KCNIP4: variants seen among roughly 807,000 people sequenced by gnomAD.
KCNIP4 encodes the protein potassium voltage-gated channel interacting protein 4.
A neutral mutation model predicts 34.0 loss-of-function variants in KCNIP4; 12 were observed. The observed-to-expected ratio is 0.35, with a 90% confidence interval of 0.23 to 0.57. The LOEUF is 0.57. KCNIP4 is among the 20% of genes least tolerant of loss of function. The pLI is 0.83. For synonymous variants in KCNIP4, 124 were observed against 102.2 expected (o/e 1.21, Z -1.29); for missense variants, 238 against 311.7 (o/e 0.76, Z 1.78).
intron 1 of KCNIP4, among the ~76,000 whole-genome samples, chr4:20,996,373 A>G (rs1428008985): frequency 6.6e-6 from 1 of 152,196 alleles, no homozygotes; most frequent in Non-Finnish European, 1.5e-5. Flanking sequence ...ATAACATTCA[A>G]ACTTCTCGCT....
At chr4:21,887,607 C>A (rs546826313) in intron 1 of KCNIP4, among the ~76,000 whole-genome samples, 2 of 152,216 alleles carry the variant, frequency 1.3e-5, no homozygotes, top group South Asian at 2.1e-4. Flanking sequence ...GTTTCAGACA[C>A]AGAAACTTAC....
At chr4:21,329,885 A>G (rs62294094) in intron 1 of KCNIP4, among the ~76,000 whole-genome samples, 38,550 of 152,064 alleles carry the variant, frequency 0.25, 4,986 homozygotes, top group Middle Eastern at 0.33. Flanking sequence ...AAAAATGTCA[A>G]TTTTACATTT....
At chr4:21,598,006 G>A (rs903400459) in intron 1 of KCNIP4, among the ~76,000 whole-genome samples, 2 of 152,122 alleles carry the variant, frequency 1.3e-5, no homozygotes, top group African/African-American at 4.8e-5. Context: ...ATTCAGTTGG[G>A]AGGGTAAATT....
chr4:21,113,800 A>T (rs1749460177), intron 1 of KCNIP4, among the ~76,000 whole-genome samples: 1 of 152,204 alleles, frequency 6.6e-6, no homozygotes, highest in African/African-American at 2.4e-5. Context: ...AACCATAAAA[A>T]CACAAGGCGT....
chr4:20,876,058 C>A (rs1262930693), intron 2 of KCNIP4, among the ~76,000 whole-genome samples: 2 of 152,120 alleles, frequency 1.3e-5, no homozygotes, highest in South Asian at 2.1e-4. Flanking sequence ...AAATAAAAAA[C>A]AAAAACCCCT....
At chr4:21,264,055 T>C (rs947818061) in intron 1 of KCNIP4, among the ~76,000 whole-genome samples, 1 of 151,962 alleles carries the variant, frequency 6.6e-6, no homozygotes, top group Non-Finnish European at 1.5e-5. Context: ...GAAGGCTCTA[T>C]TGAATCCAAG....
At chr4:20,803,470 CAAAAAA>C (rs551176038) in intron 3 of KCNIP4, among the ~76,000 whole-genome samples, 524 of 85,638 alleles carry the variant, frequency 6.1e-3, no homozygotes, top group Non-Finnish European at 7.4e-3. Context: ...TCATCTTTAC[CAAAAAA>C]AAAAAAAAAA....
At chr4:21,127,051 G>A (rs1329368641) in intron 1 of KCNIP4, among the ~76,000 whole-genome samples, 3 of 152,034 alleles carry the variant, frequency 2.0e-5, no homozygotes, top group Non-Finnish European at 2.9e-5. Flanking sequence ...TTCACCTCTG[G>A]ACCTTTGCAT....
At chr4:21,065,678 G>GA (rs1744288047) in intron 1 of KCNIP4, among the ~76,000 whole-genome samples, 1 of 139,626 alleles carries the variant, frequency 7.2e-6, no homozygotes, top group Non-Finnish European at 1.5e-5. Flanking sequence ...TTACTACTGT[G>GA]AAAAAAATAT....
intron 1 of KCNIP4, among the ~76,000 whole-genome samples, chr4:21,625,923 G>C (rs185122300): frequency 4.1e-4 from 62 of 152,182 alleles, no homozygotes; most frequent in African/African-American, 1.4e-3. Flanking sequence ...TATTTGGTTG[G>C]TTTAGACAGC....
chr4:21,547,705 G>A (rs776902579), intron 1 of KCNIP4, among the ~76,000 whole-genome samples: 2 of 152,014 alleles, frequency 1.3e-5, no homozygotes, highest in Admixed American at 6.6e-5. Context: ...TATCTGAAAC[G>A]CTTGAGACTA....
intron 3 of KCNIP4, among the ~76,000 whole-genome samples, chr4:20,780,864 C>T (rs767389985): frequency 2.0e-5 from 3 of 152,152 alleles, no homozygotes; most frequent in Non-Finnish European, 4.4e-5. Flanking sequence ...ACTTAAGATA[C>T]TTTGAATGGG....
At chr4:21,880,551 A>T (rs931854383) in intron 1 of KCNIP4, among the ~76,000 whole-genome samples, 1 of 152,214 alleles carries the variant, frequency 6.6e-6, no homozygotes, top group African/African-American at 2.4e-5. Flanking sequence ...TTTATTAGTC[A>T]TAGTTCTTCC....
In KCNIP4 at chr4:21,071,318, T is replaced by C. The variant is rs150091098; in HGVS notation, c.62-188609A>G. 6.9e-3 allele frequency among the ~76,000 whole-genome samples: 1,045 copies of C among 152,284 alleles called. 12 individuals carry two copies. The highest frequency in any genetic ancestry group is 0.024 in the African/African-American group (983 of 41,562). Reference sequence around the variant, plus strand: ...GTTCATTCTGTTTGTTTACCTGTTGTCCGATTTCTCAAGCATGTTTTGAAA... The same window carrying C: ...GTTCATTCTGTTTGTTTACCTGTTGCCCGATTTCTCAAGCATGTTTTGAAA... On this transcript the variant is annotated intron_variant, in intron 1 of 8. Coordinates refer to ENST00000382152, the MANE Select transcript of KCNIP4 (RefSeq NM_025221.6).
chr4:21,606,141 G>A (rs1230811909), intron 1 of KCNIP4, among the ~76,000 whole-genome samples: 1 of 152,110 alleles, frequency 6.6e-6, no homozygotes, highest in African/African-American at 2.4e-5. Flanking sequence ...AGCTTGGGGT[G>A]GTGGCCATCC....
chr4:20,832,058 CTTT>C (rs71655605), intron 3 of KCNIP4, among the ~76,000 whole-genome samples: 1 of 151,366 alleles, frequency 6.6e-6, no homozygotes, highest in Admixed American at 6.6e-5. Flanking sequence ...TAGTTTGTTA[CTTT>C]TTTTTTCATG....
chr4:21,614,968 G>T (rs1382253299), intron 1 of KCNIP4, among the ~76,000 whole-genome samples: 1 of 152,158 alleles, frequency 6.6e-6, no homozygotes, highest in South Asian at 2.1e-4. Context: ...CTGCTCTGAA[G>T]TAGAGCACAC....
intron 1 of KCNIP4, among the ~76,000 whole-genome samples, chr4:21,782,122 AC>A (rs1719612739): frequency 6.6e-6 from 1 of 152,220 alleles, no homozygotes; most frequent in Non-Finnish European, 1.5e-5. Flanking sequence ...TACATTAAAT[AC>A]AAATACTCTA....
intron 1 of KCNIP4, among the ~76,000 whole-genome samples, chr4:21,324,414 T>C (rs1354021951): frequency 2.6e-5 from 4 of 152,074 alleles, no homozygotes; most frequent in African/African-American, 9.7e-5. Context: ...CATTTTTATT[T>C]GATTGTTGTA....
Sources: gnomAD v4.1 joint callset for allele counts (sites outside exome capture counted in the v4.1 genomes callset) on GRCh38, gnomAD v4.1.1 for gene constraint, MANE v1.5 for transcripts, NCBI Gene and HGNC (gene_info 2026-07-23, HGNC 2026-07-21) for gene names.